Variants in TRDN observed in about 807,000 individuals in gnomAD.
The protein encoded by TRDN is triadin in skeletal muscle.
Under a neutral mutation model 149.7 loss-of-function variants are expected in TRDN, and 161 were observed. The observed-to-expected ratio is 1.08, with a 90% CI of 0.95 to 1.23. The LOEUF (loss-of-function observed/expected upper bound fraction) is 1.23, where lower values mean the gene tolerates loss of function less well. TRDN is among the 50% of genes most tolerant of loss of function. TRDN has a pLI of 0.00. For synonymous variants in TRDN, 294 were observed against 250.5 expected, an observed-to-expected ratio of 1.17 and a Z score of -1.64; for missense variants, 896 against 823.5, an observed-to-expected ratio of 1.09 and a Z score of -1.08.
chr6:123,461,882 G>T (rs1776468546), intron 10 of TRDN, among the ~76,000 whole-genome samples: 1 of 152,126 alleles, frequency 6.6e-6, no homozygotes, highest in Non-Finnish European at 1.5e-5. Context: ...CCCAATTTTT[G>T]AAAGAAATGG....
chr6:123,400,691 G>T (rs1385635132), intron 12 of TRDN, among the ~76,000 whole-genome samples: 2 of 152,150 alleles, frequency 1.3e-5, no homozygotes, highest in African/African-American at 2.4e-5. Context: ...GGTAGAGAGA[G>T]TGCTTTCCTC....
At chr6:123,483,114 ATT>A (rs1256373155) in intron 9 of TRDN, among the ~76,000 whole-genome samples, 1 of 109,782 alleles carries the variant, frequency 9.1e-6, no homozygotes, top group East Asian at 2.8e-4. Flanking sequence ...TATTATTATT[ATT>A]ATTTGAGACC....
chr6:123,377,599 T>G, intron 18 of TRDN, 117 bp downstream of exon 18: 2 of 1,210,254 alleles, frequency 1.7e-6, no homozygotes, highest in Non-Finnish European at 2.4e-6. Context: ...AAAAACACTG[T>G]GAGATGGAAG....
Position 123,558,274 on chromosome 6 carries a change from TC to T in TRDN, c.233-9663del, listed in dbSNP as rs565628785. On this transcript the variant is annotated intron_variant, in intron 2 of 40. Transcript: ENST00000334268. ...CCTTTTCTACAGACCCAATGACCTC[TC>T]CCCTCCTCCCCAGGCTGCTCATCGC... is the stretch of plus-strand genomic sequence containing the variant. Among the ~76,000 whole-genome samples the T allele has an allele frequency of 2.6e-5, 4 of 151,842 alleles. No individual in the cohort carries two copies. In the South Asian group the frequency reaches 8.3e-4, roughly 32 times the overall value.
At chr6:123,504,374 A>G (rs149289950) in intron 7 of TRDN, among the ~76,000 whole-genome samples, 53 of 152,198 alleles carry the variant, frequency 3.5e-4, no homozygotes, top group African/African-American at 1.2e-3. Flanking sequence ...CTGAAATGCC[A>G]ACAAAGTCTT....
Position 123,633,662 on chromosome 6 carries a change from C to T in TRDN, c.22+3092G>A, listed in dbSNP as rs184721000. ...TTTGCCAGAATCAAAGGTGTTATTA[C>T]CCTAAAATCCTTTGGAGTTCAACTT... On this transcript the variant is annotated intron_variant, in intron 1 of 40. Transcript: ENST00000334268. Among the ~76,000 whole-genome samples the T allele has an allele frequency of 1.8e-4, 27 of 152,090 alleles. No homozygotes were observed. In the East Asian group the frequency reaches 4.7e-3, roughly 26 times the overall value.
chr6:123,243,702 A>C (rs1776072044), intron 38 of TRDN, among the ~76,000 whole-genome samples: 1 of 152,152 alleles, frequency 6.6e-6, no homozygotes, highest in Non-Finnish European at 1.5e-5. Context: ...AATCAAGTAA[A>C]AGAAAGAATC....
intron 9 of TRDN, among the ~76,000 whole-genome samples, chr6:123,486,757 C>A (rs1777990812): frequency 6.6e-6 from 1 of 151,896 alleles, no homozygotes; most frequent in Admixed American, 6.6e-5. Context: ...ACCTTGGCTT[C>A]ATGAGGGCAG....
chr6:123,531,399 C>G (rs1266695025), intron 4 of TRDN, among the ~76,000 whole-genome samples: 2 of 152,014 alleles, frequency 1.3e-5, no homozygotes, highest in African/African-American at 4.8e-5. Context: ...TTACTGTACA[C>G]ATTTTAAATT....
intron 40 of TRDN, 79 bp downstream of exon 40, chr6:123,221,408 G>A: frequency 1.9e-6 from 2 of 1,065,990 alleles, no homozygotes. Flanking sequence ...CTGGTCTTAA[G>A]AGAGTCTAAC....
intron 9 of TRDN, among the ~76,000 whole-genome samples, chr6:123,488,504 A>G (rs910233495): frequency 1.3e-5 from 2 of 152,158 alleles, no homozygotes; most frequent in South Asian, 4.1e-4. Flanking sequence ...TTTACAGACC[A>G]ACAGCTTCTA....
chr6:123,622,348 G>T (rs13193013), intron 1 of TRDN, among the ~76,000 whole-genome samples: 104 of 59,158 alleles, frequency 1.8e-3, no homozygotes, highest in African/African-American at 8.5e-3. Flanking sequence ...CACACACACA[G>T]GCACACGCAC....
At chr6:123,359,157 G>A (rs1780802602) in intron 20 of TRDN, among the ~76,000 whole-genome samples, 1 of 152,146 alleles carries the variant, frequency 6.6e-6, no homozygotes, top group South Asian at 2.1e-4. Flanking sequence ...AGTGGAAACA[G>A]AGGTTTCTCG....
At chr6:123,377,650 G>C in intron 18 of TRDN, 66 bp downstream of exon 18, 1 of 1,586,280 alleles carries the variant, frequency 6.3e-7, no homozygotes, top group Non-Finnish European at 8.6e-7. Context: ...CCACCTGTTT[G>C]AGGCTACAGC....
At position 123,329,697 on chromosome 6, in the gene TRDN, C is replaced by T. The variant is rs141109495; in HGVS notation, c.1471+2182G>A. Among the ~76,000 whole-genome samples the T allele has an allele frequency of 3.2e-3, 487 of 152,088 alleles. 3 individuals carry two copies. Among genetic ancestry groups the T allele is most frequent in the African/African-American group, 0.011 (460 of 41,512 alleles). On this transcript the variant is annotated intron_variant, in intron 23 of 40. Transcript: ENST00000334268. ...TTTCAATGCATAAAATTTTAAAGCA[C>T]CATTAATATTCTGGCAAATTTCTAG...
intron 1 of TRDN, among the ~76,000 whole-genome samples, chr6:123,598,273 G>T (rs1042890403): frequency 6.6e-6 from 1 of 152,168 alleles, no homozygotes; most frequent in Middle Eastern, 3.4e-3. Context: ...GCCCTTAAGG[G>T]AATGTACCCT....
chr6:123,602,883 C>A (rs1330586825), intron 1 of TRDN, among the ~76,000 whole-genome samples: 1 of 152,026 alleles, frequency 6.6e-6, no homozygotes, highest in Non-Finnish European at 1.5e-5. Flanking sequence ...CTGTGTTATT[C>A]ATACACATCA....
rs56022131 is a variant in TRDN at position 123,421,805 on chromosome 6, CAA to C, written c.1051+16256_1051+16257del. ...TCAACAGAGTGAGACCCTTTCTCTA[CAA>C]AAAAAAAAAAAAAAAAATTGGCCCA... On this transcript the variant is annotated intron_variant, in intron 12 of 40. Transcript: ENST00000334268. Among the ~76,000 whole-genome samples the C allele has an allele frequency of 4.8e-3, 440 of 92,630 alleles. 6 individuals are homozygous for C. Among genetic ancestry groups the C allele is most frequent in the African/African-American group, 0.017 (409 of 24,098 alleles). The allele number at this position is 92,630 out of a possible 152,430, so 60.8% of individuals were successfully genotyped here.
At chr6:123,412,867 T>A (rs1340430184) in intron 12 of TRDN, among the ~76,000 whole-genome samples, 7 of 151,584 alleles carry the variant, frequency 4.6e-5, no homozygotes, top group Admixed American at 2.6e-4. Flanking sequence ...AAGAAAAAAA[T>A]AAAGAAAAAT....
Sources: allele counts gnomAD v4.1 joint callset (sites outside exome capture counted in the v4.1 genomes callset), GRCh38; gene constraint gnomAD v4.1.1; transcripts MANE v1.5; gene names NCBI Gene and HGNC (gene_info 2026-07-23, HGNC 2026-07-21).